Variants in EGFR observed in about 807,000 individuals in gnomAD.
EGFR encodes epidermal growth factor receptor, also known as avian erythroblastic leukemia viral (v-erb-b) oncogene homolog.
In EGFR, 58 loss-of-function variants were observed where a neutral mutation model predicts 143.0. The observed-to-expected ratio is 0.41, with a 90% CI of 0.33 to 0.50. The LOEUF is 0.50. Ranked by LOEUF, EGFR falls within the 20% of genes least tolerant of loss-of-function variation. The pLI, the probability that EGFR is intolerant of heterozygous loss-of-function variation, is 0.39. For synonymous variants in EGFR, 613 were observed against 594.4 expected (o/e 1.03, Z -0.45); for missense variants, 1,307 against 1,579.0 (o/e 0.83, Z 2.92).
chr7:55,022,095 G>A (rs932013834), intron 1 of EGFR, among the ~76,000 whole-genome samples: 2 of 152,188 alleles, frequency 1.3e-5, no homozygotes, highest in African/African-American at 4.8e-5. Context: ...CCGGCAGTCT[G>A]CATTCCTGCC....
At chr7:55,159,592 G>A (rs956322361) in intron 11 of EGFR, among the ~76,000 whole-genome samples, 6 of 152,124 alleles carry the variant, frequency 3.9e-5, no homozygotes, top group African/African-American at 1.4e-4. Context: ...TTGCTTCCAT[G>A]TTGCCCACAC....
rs996017817 is a variant in EGFR, at chr7:55,136,271, G to A, written c.89-6015G>A. ...TTCTTAAATCTTTCAGCAAGAAAGCGGGAAAAAAATCCTCCTCTGGCCTTT... is the reference window on the plus strand; with the variant it reads ...TTCTTAAATCTTTCAGCAAGAAAGCAGGAAAAAAATCCTCCTCTGGCCTTT... On this transcript the variant is annotated intron_variant, in intron 1 of 27. Coordinates refer to ENST00000275493, the MANE Select transcript of EGFR (RefSeq NM_005228.5). Among the ~76,000 whole-genome samples, 17 of 152,146 alleles carry A rather than the reference G, an allele frequency of 1.1e-4. 1 individual carries two copies. The highest frequency in any genetic ancestry group is 4.2e-4 in the South Asian group (2 of 4,812).
rs1491469702 is a variant in EGFR at position 55,205,899 on chromosome 7, A to AG, written c.*282_*283insG. Reference sequence around the variant, plus strand: ...TTTATCTTTCAAAGAGGTATATTTGAAAAAAAAAAAAAGTATATGTGAGGA... The same window carrying AG: ...TTTATCTTTCAAAGAGGTATATTTGAGAAAAAAAAAAAAGTATATGTGAGGA... On this transcript the variant is annotated 3_prime_UTR_variant, in exon 28 of 28. Transcript: ENST00000275493. 5.5e-6 allele frequency: 1 copy of AG among 182,756 alleles called. No homozygotes were observed. The highest frequency in any genetic ancestry group is 8.9e-5 in the African/African-American group (1 of 11,298). 11.3% of individuals were successfully genotyped at this position (182,756 alleles called of 1,614,324 possible). A position where few individuals can be genotyped will look rare whatever the true frequency, so the allele number is the denominator to read the frequency against.
intron 1 of EGFR, among the ~76,000 whole-genome samples, chr7:55,056,993 A>T (rs6593201): frequency 2.0e-5 from 3 of 152,142 alleles, no homozygotes; most frequent in Non-Finnish European, 4.4e-5. Context: ...GCAGAGAGTC[A>T]GAATCCCCGC....
chr7:55,099,280 A>C (rs1791663933), intron 1 of EGFR, among the ~76,000 whole-genome samples: 1 of 152,210 alleles, frequency 6.6e-6, no homozygotes, highest in African/African-American at 2.4e-5. Context: ...AGATTATGTA[A>C]CAGATGCTGT....
At chr7:55,052,270 T>C (rs1788534647) in intron 1 of EGFR, among the ~76,000 whole-genome samples, 1 of 152,250 alleles carries the variant, frequency 6.6e-6, no homozygotes, top group Non-Finnish European at 1.5e-5. Flanking sequence ...GTCAGCTTCC[T>C]GCCTTGCATG....
chr7:55,171,818 A>T (rs766332862), intron 16 of EGFR, among the ~76,000 whole-genome samples: 3 of 152,202 alleles, frequency 2.0e-5, no homozygotes, highest in Non-Finnish European at 4.4e-5. Context: ...TCATGGAATT[A>T]TACACCGAGC....
chr7:55,153,875 A>C, intron 6 of EGFR, 136 bp from the exon 7 acceptor site: 1 of 1,377,348 alleles, frequency 7.3e-7, no homozygotes, highest in Middle Eastern at 2.0e-4. Flanking sequence ...GGGTTTTCCC[A>C]CACTAGTGGA....
chr7:55,157,680 G>T lies in EGFR; in HGVS notation c.1225G>T (p.Ala409Ser). The change falls in exon 11 of 28, where the codon GCT becomes TCT. Residue 409 changes from alanine (A) to serine (S), a missense_variant. Ala to Ser is a moderately conservative substitution (Grantham distance 99). This residue lies in a region of EGFR where 250 missense variants were observed against 295.1 expected (regional missense o/e 0.85). Transcript: ENST00000275493. ...KEITGFLLIQAWPENRTDLHA... is the reference protein window; with the variant it reads ...KEITGFLLIQSWPENRTDLHA... ...CCTTACAGGGTTTTTGCTGATTCAG[G>T]CTTGGCCTGAAAACAGGACGGACCT... is the stretch of plus-strand genomic sequence containing the variant. 6.2e-7 allele frequency: 1 copy of T among 1,614,200 alleles called. No homozygotes were observed. Among genetic ancestry groups the T allele is most frequent in the Non-Finnish European group, 8.5e-7 (1 of 1,180,038 alleles).
intron 1 of EGFR, among the ~76,000 whole-genome samples, chr7:55,131,158 T>C (rs576430130): frequency 5.3e-5 from 8 of 152,262 alleles, no homozygotes; most frequent in South Asian, 4.1e-4. Flanking sequence ...GTTGCCTTCA[T>C]AGGGGTGGCA....
chr7:55,187,049 G>T (rs992256175), intron 20 of EGFR, among the ~76,000 whole-genome samples: 4 of 152,224 alleles, frequency 2.6e-5, no homozygotes, highest in African/African-American at 9.6e-5. Flanking sequence ...TGCGGACAGG[G>T]CGTGAAGGCA....
intron 1 of EGFR, among the ~76,000 whole-genome samples, chr7:55,089,385 G>A (rs916889048): frequency 1.2e-4 from 19 of 152,282 alleles, no homozygotes; most frequent in Non-Finnish European, 2.4e-4. Flanking sequence ...ATTCAAATAG[G>A]ATTTTCAATG....
chr7:55,173,260 G>A, intron 17 of EGFR, 136 bp downstream of exon 17: 1 of 1,321,644 alleles, frequency 7.6e-7, no homozygotes, highest in Admixed American at 2.1e-5. Flanking sequence ...ATCTCTGAAT[G>A]TGCAGTTATA....
chr7:55,079,334 C>T (rs958054069), intron 1 of EGFR, among the ~76,000 whole-genome samples: 4 of 152,182 alleles, frequency 2.6e-5, no homozygotes, highest in Non-Finnish European at 2.9e-5. Context: ...GGAAGAGGGG[C>T]GGGTCGGCGT....
intron 20 of EGFR, among the ~76,000 whole-genome samples, chr7:55,186,391 G>C (rs1323655544): frequency 6.6e-6 from 1 of 152,186 alleles, no homozygotes; most frequent in Non-Finnish European, 1.5e-5. Flanking sequence ...GGACTCGGCA[G>C]AGCCTACCCC....
chr7:55,203,368 A>G (rs993897883), intron 27 of EGFR, among the ~76,000 whole-genome samples: 1 of 149,368 alleles, frequency 6.7e-6, no homozygotes, highest in African/African-American at 2.5e-5. Flanking sequence ...CACCATGCAT[A>G]CATACACACC....
At chr7:55,121,639 T>TA (rs779993122) in intron 1 of EGFR, among the ~76,000 whole-genome samples, 13 of 152,300 alleles carry the variant, frequency 8.5e-5, no homozygotes, top group Non-Finnish European at 1.8e-4. Flanking sequence ...AGAATTACCA[T>TA]AAAAAACAGA....
intron 22 of EGFR, 133 bp downstream of exon 22, chr7:55,192,974 TGC>T: frequency 3.5e-6 from 3 of 853,822 alleles, no homozygotes; most frequent in Non-Finnish European, 3.8e-6. Flanking sequence ...ATGTAATCAT[TGC>T]TGTCTATCTA....
At chr7:55,197,140 A>G (rs567841482) in intron 22 of EGFR, among the ~76,000 whole-genome samples, 52 of 152,322 alleles carry the variant, frequency 3.4e-4, no homozygotes, top group African/African-American at 1.2e-3. Context: ...TCTATCCATG[A>G]GCATGGAATG....
Sources: allele counts gnomAD v4.1 joint callset (sites outside exome capture counted in the v4.1 genomes callset), GRCh38; gene constraint gnomAD v4.1.1; regional missense constraint gnomAD v4.1.1; transcripts MANE v1.5; gene names NCBI Gene and HGNC (gene_info 2026-07-23, HGNC 2026-07-21).